ARHGAP24: variants seen among roughly 807,000 people sequenced by gnomAD.
ARHGAP24 encodes rho GTPase-activating protein 24.
A neutral mutation model predicts 76.4 loss-of-function variants in ARHGAP24; 50 were observed. The observed-to-expected ratio is 0.65, with a 90% CI of 0.52 to 0.83. ARHGAP24 has a LOEUF of 0.83. Ranked by LOEUF, ARHGAP24 falls within the 40% of genes least tolerant of loss-of-function variation. The probability of loss-of-function intolerance (pLI) is 0.00; values close to 1 mark genes in which losing one functional copy is unlikely to be tolerated. For missense variants in ARHGAP24, 930 were observed against 914.2 expected (o/e 1.02, Z -0.22); for synonymous variants, 345 against 323.3 (o/e 1.07, Z -0.72).
chr4:85,599,670 T>C, intron 2 of ARHGAP24, among the ~76,000 whole-genome samples: 1 of 150,124 alleles, frequency 6.7e-6, no homozygotes, highest in South Asian at 2.1e-4. Context: ...GCTATTAAAT[T>C]ATTTTTTTTT....
intron 2 of ARHGAP24, among the ~76,000 whole-genome samples, chr4:85,576,384 C>T (rs1159792016): frequency 2.0e-5 from 3 of 151,322 alleles, no homozygotes; most frequent in East Asian, 3.9e-4. Flanking sequence ...GAGGAGAGAT[C>T]GCGCCACTGC....
At chr4:85,561,728 G>C (rs1291871972) in intron 1 of ARHGAP24, among the ~76,000 whole-genome samples, 4 of 151,982 alleles carry the variant, frequency 2.6e-5, no homozygotes, top group Non-Finnish European at 5.9e-5. Flanking sequence ...GCCTTAGGAG[G>C]TGTTCATGCA....
At chr4:85,923,328 TG>T (rs1007269978) in intron 3 of ARHGAP24, among the ~76,000 whole-genome samples, 97 of 152,334 alleles carry the variant, frequency 6.4e-4, no homozygotes, top group African/African-American at 2.3e-3. Context: ...TTGTTTTTGC[TG>T]TTTCTCCCTA....
intron 4 of ARHGAP24, chr4:85,930,873 G>A (rs1010368742): frequency 2.4e-5 from 39 of 1,610,192 alleles, no homozygotes; most frequent in East Asian, 4.5e-5. Context: ...GTTGGGTTTC[G>A]CTCAGAGGCA....
intron 1 of ARHGAP24, among the ~76,000 whole-genome samples, chr4:85,480,223 C>G (rs905622357): frequency 1.3e-5 from 2 of 152,020 alleles, no homozygotes; most frequent in Non-Finnish European, 2.9e-5. Context: ...TTATGTTATG[C>G]GTTTCAAATT....
chr4:85,974,834 A>T, intron 6 of ARHGAP24, 54 bp from the exon 7 acceptor site: 1 of 1,549,846 alleles, frequency 6.5e-7, no homozygotes, highest in Non-Finnish European at 8.9e-7. Flanking sequence ...GACTTGCTTT[A>T]ATTCTAAGGC....
At position 85,798,828 on chromosome 4, in the gene ARHGAP24, A is replaced by AT. The variant is rs1358308756; in HGVS notation, c.268+76862dup. On this transcript the variant is annotated intron_variant, in intron 3 of 9. Coordinates refer to ENST00000395184, the MANE Select transcript of ARHGAP24 (RefSeq NM_001025616.3). ...AAACAAAGTTCTTTTTAATTTTTTGATTTTTTCATAGCAAACAAAAAAGTA... is the reference window on the plus strand; with the variant it reads ...AAACAAAGTTCTTTTTAATTTTTTGATTTTTTTCATAGCAAACAAAAAAGTA... 3.9e-5 allele frequency among the ~76,000 whole-genome samples: 6 copies of AT among 152,178 alleles called. No individual in the cohort carries two copies. In the East Asian group the frequency reaches 5.8e-4, roughly 15 times the overall value.
rs1688326706 is a variant in ARHGAP24 at position 85,579,726 on chromosome 4, CT to C, written c.180+9011del. The stretch of plus-strand genomic sequence containing the variant: ...AGTGTTCTCACTTTCTGAAATTTGG[CT>C]TTTTTCTTTTAGCATAATATTTTCC... On this transcript the variant is annotated intron_variant, in intron 2 of 9. Transcript: ENST00000395184. Among the ~76,000 whole-genome samples the C allele has an allele frequency of 3.3e-5, 5 of 152,106 alleles. No homozygotes were observed. The East Asian group carries it at 5.8e-4, about 18-fold the overall frequency.
intron 1 of ARHGAP24, among the ~76,000 whole-genome samples, chr4:85,496,389 G>A (rs928059452): frequency 2.6e-5 from 4 of 152,216 alleles, no homozygotes; most frequent in Admixed American, 2.0e-4. Flanking sequence ...GTCTATCACA[G>A]TTACTGTGAA....
At chr4:85,867,908 T>TAA in intron 3 of ARHGAP24, among the ~76,000 whole-genome samples, 1 of 75,278 alleles carries the variant, frequency 1.3e-5, no homozygotes, top group South Asian at 7.0e-4. Flanking sequence ...CATATATATA[T>TAA]ACATATATGT....
rs764990001 is a variant in ARHGAP24, at chr4:85,570,664, T to G, written c.123T>G (p.Phe41Leu). The part of the protein sequence containing the change: ...GFVKTWHTRW[F>L]VLKGDQLYYF... The stretch of plus-strand genomic sequence containing the variant: ...TCAAGACTTGGCATACTCGCTGGTT[T>G]GTGCTCAAGGGGGATCAGCTCTATT... The change falls in exon 2 of 10, where the codon TTT becomes TTG. Residue 41 changes from phenylalanine (F) to leucine (L), a missense_variant. Coordinates refer to ENST00000395184, the MANE Select transcript of ARHGAP24 (RefSeq NM_001025616.3). 5.6e-6 allele frequency: 9 copies of G among 1,614,004 alleles called. No homozygotes were observed. Among genetic ancestry groups the G allele is most frequent in the South Asian group, 5.5e-5 (5 of 91,076 alleles).
chr4:85,755,778 G>A (rs916289250), intron 3 of ARHGAP24, among the ~76,000 whole-genome samples: 17 of 151,220 alleles, frequency 1.1e-4, no homozygotes, highest in East Asian at 1.9e-4. Flanking sequence ...GATTACAGGC[G>A]CCCGCCACTA....
chr4:85,678,263 A>G (rs1219164565), intron 2 of ARHGAP24, among the ~76,000 whole-genome samples: 2 of 151,914 alleles, frequency 1.3e-5, no homozygotes, highest in Non-Finnish European at 1.5e-5. Context: ...CCAGCTACTC[A>G]GGAGACTGAG....
At chr4:85,918,133 G>A (rs374803826) in intron 3 of ARHGAP24, among the ~76,000 whole-genome samples, 3 of 151,604 alleles carry the variant, frequency 2.0e-5, no homozygotes, top group African/African-American at 7.3e-5. Flanking sequence ...CAAAAGGAGA[G>A]CAAAAAATCT....
chr4:85,615,677 A>T (rs1165196356), intron 2 of ARHGAP24, among the ~76,000 whole-genome samples: 1 of 152,210 alleles, frequency 6.6e-6, no homozygotes, highest in Non-Finnish European at 1.5e-5. Context: ...TTATGTTGTA[A>T]TCATGAAATT....
chr4:86,000,821 A>G lies in ARHGAP24; in HGVS notation c.*99A>G, dbSNP rs1740979997. The G allele has an allele frequency of 1.8e-5, 28 of 1,547,340 alleles. No homozygotes were observed. The South Asian group carries it at 2.5e-4, about 14-fold the overall frequency. On this transcript the variant is annotated 3_prime_UTR_variant, in exon 10 of 10. Coordinates refer to ENST00000395184, the MANE Select transcript of ARHGAP24 (RefSeq NM_001025616.3). ...CAGGTGGCTGGTCACCTGGATGTAC[A>G]GAAGTCTAACTGGTGAAGGAATATC... is the stretch of plus-strand genomic sequence containing the variant.
At chr4:85,501,089 G>A (rs558159028) in intron 1 of ARHGAP24, among the ~76,000 whole-genome samples, 70 of 152,288 alleles carry the variant, frequency 4.6e-4, no homozygotes, top group Middle Eastern at 3.4e-3. Context: ...ATTCCATGGT[G>A]TATATGTGCC....
chr4:85,529,872 T>C (rs964663937), intron 1 of ARHGAP24, among the ~76,000 whole-genome samples: 4 of 151,904 alleles, frequency 2.6e-5, no homozygotes, highest in African/African-American at 9.7e-5. Flanking sequence ...CCTTTATTTC[T>C]GTATTCAACC....
At chr4:85,954,198 G>C (rs1472189778) in intron 5 of ARHGAP24, among the ~76,000 whole-genome samples, 10 of 152,176 alleles carry the variant, frequency 6.6e-5, no homozygotes. Flanking sequence ...TAAAATACAG[G>C]AGGTAGTTAG....
Sources: gnomAD v4.1 joint callset for allele counts (sites outside exome capture counted in the v4.1 genomes callset) on GRCh38, gnomAD v4.1.1 for gene constraint, MANE v1.5 for transcripts, NCBI Gene and HGNC (gene_info 2026-07-23, HGNC 2026-07-21) for gene names.